The following CNN1 variants were observed in gnomAD, a reference collection of about 807,000 sequenced individuals.
CNN1 encodes calponin-1.
Under a neutral mutation model 35.3 loss-of-function variants are expected in CNN1, and 21 were observed. The ratio of observed to expected loss-of-function variants is 0.60; its 90% CI spans 0.42 to 0.86. The LOEUF (loss-of-function observed/expected upper bound fraction) is 0.86. Among genes scored for constraint, CNN1 ranks in the 40% least tolerant of loss-of-function variants. CNN1 has a pLI of 0.00. For synonymous variants in CNN1, 164 were observed against 161.8 expected, an observed-to-expected ratio of 1.01 and a Z score of -0.10; for missense variants, 314 against 400.8, an observed-to-expected ratio of 0.78 and a Z score of 1.85.
rs757998974 is a variant in CNN1 at position 11,546,858 on chromosome 19, G to A, written c.279G>A (p.Lys93=). The A allele has an allele frequency of 7.4e-6, 12 of 1,614,218 alleles. No homozygotes were observed. The East Asian group carries it at 2.7e-4, about 36-fold the overall frequency. ...TGGAGAACATCGGCAACTTCATCAA[G>A]GCCATCACCAAGTATGGGGTGAAGC... ...HQLENIGNFI[K]AITKYGVKPH... The change falls in exon 4 of 7, where the codon AAG becomes AAA. Residue 93 remains lysine (K), a synonymous_variant. Coordinates refer to ENST00000252456, the MANE Select transcript of CNN1 (RefSeq NM_001299.6).
At chr19:11,548,896 T>TA (rs1772337882) in intron 5 of CNN1, among the ~76,000 whole-genome samples, 2 of 151,320 alleles carry the variant, frequency 1.3e-5, no homozygotes, top group South Asian at 2.1e-4. Flanking sequence ...AAAAATAAAC[T>TA]AAAAAATGGG....
intron 2 of CNN1, among the ~76,000 whole-genome samples, chr19:11,544,415 C>A (rs1568415136): frequency 1.3e-5 from 2 of 152,080 alleles, no homozygotes; most frequent in Non-Finnish European, 2.9e-5. Context: ...AATGATTGAG[C>A]AGAAGTGGAG....
chr19:11,539,671 A>T lies in CNN1; in HGVS notation c.63+681A>T, dbSNP rs1331186985. The T allele has an allele frequency of 1.9e-5, 13 of 678,262 alleles. No individual in the cohort carries two copies. The Admixed American group carries it at 3.1e-4, about 16-fold the overall frequency. The allele number at this position is 678,262 out of a possible 1,614,324, so 42.0% of individuals were successfully genotyped here. ...TTTCCAGCCCACTGGAATCGCCCCAACAGTATTGCCGAGGGAGGAGTTCCT... is the reference window on the plus strand; with the variant it reads ...TTTCCAGCCCACTGGAATCGCCCCATCAGTATTGCCGAGGGAGGAGTTCCT... On this transcript the variant is annotated intron_variant, in intron 1 of 6. Transcript: ENST00000252456.
chr19:11,549,378 G>A lies in CNN1; in HGVS notation c.557G>A (p.Arg186His), dbSNP rs532147352. Residue 186 changes from arginine to histidine, a missense_variant, in exon 6 of 7, where the codon CGC becomes CAC. Arg to His is a conservative substitution (Grantham distance 29). Transcript: ENST00000252456. The surrounding 1 kb of genome is among the most constrained non-coding windows in gnomAD (Gnocchi z 5.2). ...GGCATGACGGCCTATGGCACCCGGC[G>A]CCACCTCTACGACCCCAAGCTGGGC... is the stretch of plus-strand genomic sequence containing the variant. ...QQGMTAYGTR[R>H]HLYDPKLGTD... 5.6e-6 allele frequency: 9 copies of A among 1,613,910 alleles called. No homozygotes were observed. Among genetic ancestry groups the A allele is most frequent in the African/African-American group, 4.0e-5 (3 of 74,984 alleles).
At position 11,549,472 on chromosome 19, in the gene CNN1, G is replaced by T. The variant is rs374526531; in HGVS notation, c.648+3G>T. ...GCACCAACAAAGGAGCCAGCCAGGT[G>T]AGTGGGGGCCCCCGGGACACGCCGT... On this transcript the variant is annotated splice_donor_region_variant and intron_variant, in intron 6 of 6. Transcript: ENST00000252456. This position sits in a 1 kb window ranked among gnomAD's most constrained non-coding sequence, Gnocchi z 5.2. 6.2e-7 allele frequency: 1 copy of T among 1,613,706 alleles called. No homozygotes were observed. The highest frequency in any genetic ancestry group is 2.2e-5 in the East Asian group (1 of 44,866).
chr19:11,546,990 G>C (rs1972602143), intron 4 of CNN1, 21 bp downstream of exon 4: 1 of 1,613,462 alleles, frequency 6.2e-7, no homozygotes, highest in African/African-American at 1.3e-5. Flanking sequence ...TTGCAGGCTG[G>C]GCAGGGGGTG....
At chr19:11,544,520 G>A (rs1012166375) in intron 2 of CNN1, among the ~76,000 whole-genome samples, 3 of 152,016 alleles carry the variant, frequency 2.0e-5, no homozygotes, top group Admixed American at 1.3e-4. Flanking sequence ...TGCCCGGGCT[G>A]GAGTACAGCG....
At chr19:11,541,771 A>G (rs1003561406) in intron 2 of CNN1, among the ~76,000 whole-genome samples, 1 of 134,214 alleles carries the variant, frequency 7.5e-6, no homozygotes, top group Admixed American at 7.4e-5. Context: ...GTATTTTTTT[A>G]AAGTAGAGAT....
intron 1 of CNN1, chr19:11,540,828 T>A: frequency 2.5e-6 from 1 of 402,892 alleles, no homozygotes; most frequent in Non-Finnish European, 4.5e-6. Context: ...CCACCCCTCA[T>A]CTACATTCCC....
chr19:11,540,188 T>TG (rs527558355), intron 1 of CNN1: 12 of 382,942 alleles, frequency 3.1e-5, no homozygotes, highest in Non-Finnish European at 4.0e-5. Flanking sequence ...AGCAGGGAGG[T>TG]GGGGGGAGAG....
chr19:11,548,016 G>A, intron 5 of CNN1, 109 bp downstream of exon 5: 1 of 748,198 alleles, frequency 1.3e-6, no homozygotes, highest in South Asian at 2.0e-5. Context: ...TATAGGCCGG[G>A]TACTGTGCTT....
intron 4 of CNN1, 93 bp downstream of exon 4, chr19:11,547,062 G>T (rs931611670): frequency 2.1e-5 from 33 of 1,555,134 alleles, no homozygotes; most frequent in Non-Finnish European, 2.8e-5. Flanking sequence ...AGTGAAGGTG[G>T]CGGAGCGGGG....
chr19:11,548,181 G>A (rs1242707695), intron 5 of CNN1, among the ~76,000 whole-genome samples: 1 of 152,168 alleles, frequency 6.6e-6, no homozygotes, highest in Non-Finnish European at 1.5e-5. Context: ...GTGGCAGGCT[G>A]GAACTTCAAT....
intron 2 of CNN1, among the ~76,000 whole-genome samples, chr19:11,541,409 G>A (rs1337106618): frequency 6.6e-6 from 1 of 152,170 alleles, no homozygotes; most frequent in Non-Finnish European, 1.5e-5. Context: ...GGTTTCAAGG[G>A]AAATGACTCT....
At chr19:11,539,318 A>T in intron 1 of CNN1, 3 of 1,109,292 alleles carry the variant, frequency 2.7e-6, no homozygotes, top group Non-Finnish European at 2.2e-6. Flanking sequence ...TGATTTTTCC[A>T]TATCCCCCGG....
intron 2 of CNN1, 56 bp from the exon 3 acceptor site, chr19:11,546,619 C>T (rs552468655): frequency 1.3e-6 from 2 of 1,595,890 alleles, no homozygotes; most frequent in Admixed American, 1.7e-5. Context: ...CAGGCGTGAG[C>T]CACCGTGCCC....
chr19:11,543,899 G>A (rs1360472966), intron 2 of CNN1, among the ~76,000 whole-genome samples: 1 of 150,494 alleles, frequency 6.6e-6, no homozygotes, highest in Non-Finnish European at 1.5e-5. Flanking sequence ...ATGTACCCCA[G>A]AAGTTAAAGT....
chr19:11,546,986 G>A lies in CNN1; in HGVS notation c.390+17G>A. ...GCCAGCATGGTGAGTGTGGTTGCAG[G>A]CTGGGCAGGGGGTGGTGGGCAGCCT... On this transcript the variant is annotated intron_variant, in intron 4 of 6. Coordinates refer to ENST00000252456, the MANE Select transcript of CNN1 (RefSeq NM_001299.6). 1.2e-6 allele frequency: 2 copies of A among 1,613,922 alleles called. No individual in the cohort carries two copies. The highest frequency in any genetic ancestry group is 1.7e-6 in the Non-Finnish European group (2 of 1,179,860).
intron 5 of CNN1, among the ~76,000 whole-genome samples, chr19:11,548,161 C>T (rs1418993635): frequency 6.6e-6 from 1 of 152,172 alleles, no homozygotes; most frequent in Non-Finnish European, 1.5e-5. Flanking sequence ...ACAGATCTTC[C>T]AGCTGATGCG....
Sources: allele counts gnomAD v4.1 joint callset (sites outside exome capture counted in the v4.1 genomes callset), GRCh38; gene constraint gnomAD v4.1.1; non-coding constraint Gnocchi (gnomAD v3.1); transcripts MANE v1.5; gene names NCBI Gene and HGNC (gene_info 2026-07-23, HGNC 2026-07-21).